The following TPM3 variants were observed in gnomAD, a reference collection of about 807,000 sequenced individuals.
TPM3 encodes the protein tropomyosin alpha-3 chain.
In TPM3, 16 loss-of-function variants were observed where a neutral mutation model predicts 43.1. That is an observed-to-expected ratio of 0.37 (90% confidence interval 0.25 to 0.56). The LOEUF (loss-of-function observed/expected upper bound fraction) is 0.56. Ranked by LOEUF, TPM3 falls within the 20% of genes least tolerant of loss-of-function variation. The pLI is 0.77. For synonymous variants in TPM3, 101 were observed against 116.9 expected, an observed-to-expected ratio of 0.86 and a Z score of 0.88; for missense variants, 176 against 337.2, an observed-to-expected ratio of 0.52 and a Z score of 3.74.
In TPM3 at chr1:154,182,930, C is replaced by G. The variant is rs559519629; in HGVS notation, c.244-6682G>C. The G allele has an allele frequency of 5.0e-6, 8 of 1,607,988 alleles. No homozygotes were observed. The Admixed American group carries it at 1.0e-4, about 20-fold the overall frequency. ...GCTCCACGGCAAAAGGGACCTTATTCCGCTTGCCGGATACTCCAGCGCCTG... is the reference window on the plus strand; with the variant it reads ...GCTCCACGGCAAAAGGGACCTTATTGCGCTTGCCGGATACTCCAGCGCCTG... On this transcript the variant is annotated intron_variant, in intron 2 of 9. Coordinates refer to ENST00000651641, the MANE Select transcript of TPM3 (RefSeq NM_152263.4).
At chr1:154,155,606 G>C (rs185606717), downstream of TPM3, 1 of 235,340 alleles carries the variant, frequency 4.2e-6, no homozygotes, top group South Asian at 1.7e-4. Flanking sequence ...TCACACAGCC[G>C]GCCTCTAAGC....
chr1:154,180,321 C>T (rs1662805315), intron 2 of TPM3, among the ~76,000 whole-genome samples: 1 of 152,058 alleles, frequency 6.6e-6, no homozygotes, highest in Non-Finnish European at 1.5e-5. Context: ...TGCAGTTTCC[C>T]GCTCCAGAGG....
At chr1:154,171,669 G>A (rs150292344) in intron 5 of TPM3, 181 bp from the exon 6 acceptor site, 13 of 720,092 alleles carry the variant, frequency 1.8e-5, no homozygotes, top group African/African-American at 5.3e-5. Flanking sequence ...ACCATAGAAC[G>A]TGTCAGGAGC....
rs199531672 is a variant in TPM3 at position 154,188,289 on chromosome 1, C to T, written c.243+2897G>A. Among the ~76,000 whole-genome samples, 77 of 151,752 alleles carry T rather than the reference C, an allele frequency of 5.1e-4. No homozygotes were observed. In the East Asian group the frequency reaches 0.013, roughly 25 times the overall value. Reference sequence around the variant, plus strand: ...CAGGCTGGTCTTGAACTCCTGGCCTCAGGCGATTCTCCTGCCCTGGCCTCT... The same window carrying T: ...CAGGCTGGTCTTGAACTCCTGGCCTTAGGCGATTCTCCTGCCCTGGCCTCT... On this transcript the variant is annotated intron_variant, in intron 2 of 9. Transcript: ENST00000651641.
chr1:154,183,034 T>C lies in TPM3; in HGVS notation c.244-6786A>G, dbSNP rs530871902. ...TCCCTCAACTTCTCGCTGGAGGCGC[T>C]CAGCTCGCTCCTCTGCATCATCTGC... is the stretch of plus-strand genomic sequence containing the variant. On this transcript the variant is annotated intron_variant, in intron 2 of 9. Coordinates refer to ENST00000651641, the MANE Select transcript of TPM3 (RefSeq NM_152263.4). 7.2e-5 allele frequency: 116 copies of C among 1,608,818 alleles called. No homozygotes were observed. The South Asian group carries it at 1.2e-3, about 17-fold the overall frequency.
intron 2 of TPM3, 120 bp downstream of exon 2, chr1:154,191,066 T>C: frequency 6.7e-7 from 1 of 1,485,362 alleles, no homozygotes. Flanking sequence ...TGCAAAAATG[T>C]ATGTGAGTAT....
intron 5 of TPM3, chr1:154,172,466 C>G (rs1462719419): frequency 9.8e-6 from 5 of 507,948 alleles, no homozygotes; most frequent in African/African-American, 5.8e-5. Flanking sequence ...CTATGACGCC[C>G]AGGCTGGCCT....
chr1:154,174,407 T>TATATATACATAC (rs1261318136), intron 3 of TPM3, among the ~76,000 whole-genome samples: 39 of 72,684 alleles, frequency 5.4e-4, no homozygotes, highest in South Asian at 3.4e-3. Context: ...TATATATATA[T>TATATATACATAC]ACACACAAAA....
intron 2 of TPM3, among the ~76,000 whole-genome samples, chr1:154,185,159 G>GT (rs1663351527): frequency 6.6e-6 from 1 of 151,686 alleles, no homozygotes; most frequent in African/African-American, 2.4e-5. Context: ...ATCACCTGAG[G>GT]TCAGGAGTTT....
chr1:154,170,549 T>G, intron 7 of TPM3, 80 bp from the exon 8 acceptor site: 1 of 1,602,178 alleles, frequency 6.2e-7, no homozygotes, highest in Admixed American at 1.7e-5. Flanking sequence ...CTTCTACTTC[T>G]GGACCTTTCA....
downstream of TPM3, chr1:154,157,570 C>T (rs1443960419): frequency 2.6e-6 from 2 of 768,328 alleles, no homozygotes; most frequent in African/African-American, 3.4e-5. Flanking sequence ...AGGTCAGCTT[C>T]CCGCAGGCTG....
chr1:154,156,552 G>A (rs928599449), downstream of TPM3: 2 of 202,534 alleles, frequency 9.9e-6, no homozygotes, highest in Non-Finnish European at 2.0e-5. Context: ...AGAAAATGGG[G>A]ACTGGGTAGG....
At chr1:154,168,378 G>C (rs1466776314) in intron 9 of TPM3, among the ~76,000 whole-genome samples, 1 of 152,182 alleles carries the variant, frequency 6.6e-6, no homozygotes. Context: ...TAGTTGTATG[G>C]ATTCTACCTC....
intron 7 of TPM3, 69 bp from the exon 8 acceptor site, chr1:154,170,538 CCTTCTA>C: frequency 1.2e-6 from 2 of 1,601,146 alleles, no homozygotes; most frequent in Non-Finnish European, 1.7e-6. Flanking sequence ...ATTTCTTCCA[CCTTCTA>C]CTTCTGGACC....
At chr1:154,158,719 A>T (rs1357868000), downstream of TPM3, 1 of 492,894 alleles carries the variant, frequency 2.0e-6, no homozygotes, top group East Asian at 3.5e-5. Flanking sequence ...AAATTCTCGC[A>T]AGTTTTCTCA....
chr1:154,187,559 A>G, intron 2 of TPM3: 1 of 965,678 alleles, frequency 1.0e-6, no homozygotes, highest in Non-Finnish European at 1.2e-6. Context: ...GAATATACTG[A>G]GTAGACCACA....
chr1:154,159,347 G>C (rs918048362), downstream of TPM3, among the ~76,000 whole-genome samples: 2 of 152,192 alleles, frequency 1.3e-5, no homozygotes, highest in African/African-American at 4.8e-5. Context: ...CCTGGGTTGA[G>C]AAACTGAAAC....
chr1:154,189,894 A>G (rs928344960), intron 2 of TPM3, among the ~76,000 whole-genome samples: 1 of 151,850 alleles, frequency 6.6e-6, no homozygotes, highest in African/African-American at 2.4e-5. Context: ...TGAATGGTTC[A>G]CTCTGTCTGT....
At chr1:154,183,354 T>A in intron 2 of TPM3, 1 of 1,399,778 alleles carries the variant, frequency 7.1e-7, no homozygotes. Flanking sequence ...GGAGTACGGC[T>A]CCCGGCCTTA....
Sources: allele counts gnomAD v4.1 joint callset (sites outside exome capture counted in the v4.1 genomes callset), GRCh38; gene constraint gnomAD v4.1.1; transcripts MANE v1.5; gene names NCBI Gene and HGNC (gene_info 2026-07-23, HGNC 2026-07-21).